GRIP2: variants seen among roughly 807,000 people sequenced by gnomAD.
GRIP2 encodes the protein glutamate receptor-interacting protein 2.
In GRIP2, 58 loss-of-function variants were observed where a neutral mutation model predicts 108.3. The observed-to-expected ratio is 0.54, with a 90% confidence interval of 0.43 to 0.67. The LOEUF is 0.67. Ranked by LOEUF, GRIP2 falls within the 30% of genes least tolerant of loss-of-function variation. The pLI is 0.00. For missense variants in GRIP2, 1,278 were observed against 1,430.6 expected (o/e 0.89, Z 1.72); for synonymous variants, 586 against 598.2 (o/e 0.98, Z 0.30).
rs1170888425 is a variant in GRIP2 at position 14,553,119 on chromosome 3, T to G, written c.55+2781A>C. Among the ~76,000 whole-genome samples the G allele has an allele frequency of 6.0e-5, 9 of 150,996 alleles. No individual in the cohort carries two copies. In the East Asian group the frequency reaches 1.7e-3, roughly 29 times the overall value. ...GCATTTTCTTTCCTTTTTTTTTTTT[T>G]TTTTCAGAGACGGAGTCTCGCTCTA... On this transcript the variant is annotated intron_variant, in intron 1 of 23. Transcript: ENST00000637182.
intron 1 of GRIP2, among the ~76,000 whole-genome samples, chr3:14,533,095 A>C (rs796839120): frequency 1.6e-4 from 25 of 152,218 alleles, no homozygotes; most frequent in African/African-American, 6.0e-4. Context: ...TCCGCCTTCC[A>C]CCTCCAGTTC....
At chr3:14,545,316 G>A (rs1262194430), upstream of GRIP2, among the ~76,000 whole-genome samples, 1 of 152,242 alleles carries the variant, frequency 6.6e-6, no homozygotes, top group African/African-American at 2.4e-5. Flanking sequence ...AGAATGTCAG[G>A]GGGAGCCAGG....
intron 1 of GRIP2, among the ~76,000 whole-genome samples, chr3:14,548,341 C>T (rs1322338241): frequency 6.6e-6 from 1 of 152,078 alleles, no homozygotes; most frequent in Non-Finnish European, 1.5e-5. Context: ...TAGGAAGGAT[C>T]AGGCTCTCCG....
In GRIP2 at chr3:14,507,636, G is replaced by A; in HGVS notation, c.2143C>T (p.Pro715Ser). The change falls in exon 18 of 24, where the codon CCG (proline) becomes TCG (serine). Residue 715 changes from proline to serine, a missense_variant. Transcript: ENST00000621039. The surrounding 1 kb of genome is among the most constrained non-coding windows in gnomAD (Gnocchi z 4.6). ...AINNVSLKGR[P>S]LSEAIHLLQV... is the part of the protein sequence containing the mutation. ...AGGAGGTGGATGGCCTCGCTCAGCG[G>A]CCGGCCCTTGAGGCTAACGTTGTTG... 6.2e-7 allele frequency: 1 copy of A among 1,614,018 alleles called. No homozygotes were observed. The highest frequency in any genetic ancestry group is 8.5e-7 in the Non-Finnish European group (1 of 1,179,876).
chr3:14,529,304 G>GAAAAAAAAAAAAAAAA (rs1694649771), intron 1 of GRIP2, among the ~76,000 whole-genome samples: 1 of 124,302 alleles, frequency 8.0e-6, no homozygotes. Flanking sequence ...AAAAAAAAAG[G>GAAAAAAAAAAAAAAAA]AAAAACACTT....
the GRIP2 span, among the ~76,000 whole-genome samples, chr3:14,599,828 A>G: frequency 6.6e-6 from 1 of 151,628 alleles, no homozygotes; most frequent in Non-Finnish European, 1.5e-5. Flanking sequence ...CAAGGTGCCC[A>G]GTGCTTGGGA....
intron 2 of GRIP2, 83 bp from the exon 3 acceptor site, chr3:14,525,655 C>A: frequency 6.5e-7 from 1 of 1,549,546 alleles, no homozygotes; most frequent in Non-Finnish European, 8.8e-7. Flanking sequence ...GAGGCGAGCA[C>A]CTGGTTGGTA....
chr3:14,535,154 C>G (rs185774857), intron 1 of GRIP2, among the ~76,000 whole-genome samples: 1 of 152,132 alleles, frequency 6.6e-6, no homozygotes, highest in African/African-American at 2.4e-5. Flanking sequence ...AGGACATGGG[C>G]GCTAAGTACT....
intron 23 of GRIP2, 55 bp downstream of exon 23, chr3:14,494,788 C>T (rs1693534744): frequency 1.9e-6 from 3 of 1,561,690 alleles, no homozygotes; most frequent in Middle Eastern, 1.8e-4. Flanking sequence ...CTTTCCCCAC[C>T]CTCAGGCTAG....
chr3:14,493,722 C>G lies in GRIP2; in HGVS notation c.3075G>C (p.Thr1025=), dbSNP rs565606434. The change falls in exon 24 of 24, where the codon ACG becomes ACC. Residue 1025 remains threonine, a synonymous_variant. Coordinates refer to ENST00000621039, the MANE Select transcript of GRIP2 (RefSeq NM_001080423.4). ...ATCGGGGGGCCCGGCTGCTGTGTGCCGTGTGCGGCTTGCGGCTGATGATCA... is the reference window on the plus strand; with the variant it reads ...ATCGGGGGGCCCGGCTGCTGTGTGCGGTGTGCGGCTTGCGGCTGATGATCA... ...LELIISRKPH[T]AHSSRAPRSP... 4.7e-5 allele frequency: 75 copies of G among 1,610,824 alleles called. No individual in the cohort carries two copies. In the South Asian group the frequency reaches 5.0e-4, roughly 11 times the overall value.
Position 14,510,016 on chromosome 3 carries a change from T to C in GRIP2, c.1934-52A>G, listed in dbSNP as rs75127285. On this transcript the variant is annotated intron_variant, in intron 16 of 23. Coordinates refer to ENST00000621039, the MANE Select transcript of GRIP2 (RefSeq NM_001080423.4). ...GAGGCCCCCGAGGGGGTACCCAGCT[T>C]CCTAAAGCCTTGGCCTCACTCACTC... The C allele has an allele frequency of 0.014, 18,935 of 1,361,756 alleles. 1,769 individuals are homozygous for C. In the African/African-American group the frequency reaches 0.22, roughly 16 times the overall value. The allele number at this position is 1,361,756 out of a possible 1,614,324, so 84.4% of individuals were successfully genotyped here. A position where few individuals can be genotyped will look rare whatever the true frequency, so the allele number is the denominator to read the frequency against.
the GRIP2 span, among the ~76,000 whole-genome samples, chr3:14,598,199 C>T: frequency 6.6e-6 from 1 of 151,842 alleles, no homozygotes; most frequent in African/African-American, 2.4e-5. Context: ...GGCATGACCT[C>T]GTGGACCATT....
At chr3:14,525,359 TAC>T in intron 3 of GRIP2, 76 bp downstream of exon 3, 1 of 1,544,438 alleles carries the variant, frequency 6.5e-7, no homozygotes, top group South Asian at 1.2e-5. Context: ...AGACCTTCAG[TAC>T]ATTTTCCACT....
chr3:14,497,844 A>G (rs1693656097), intron 21 of GRIP2, among the ~76,000 whole-genome samples: 1 of 152,156 alleles, frequency 6.6e-6, no homozygotes, highest in Non-Finnish European at 1.5e-5. Flanking sequence ...GGGCTCAGGA[A>G]GTGAGGGCTG....
chr3:14,580,984 G>A, the GRIP2 span, among the ~76,000 whole-genome samples: 2 of 145,654 alleles, frequency 1.4e-5, no homozygotes, highest in Non-Finnish European at 3.1e-5. Context: ...TGCCTGGGCT[G>A]CCCTGCAGAT....
Position 14,493,814 on chromosome 3 carries a change from G to A in GRIP2, c.2983C>T (p.Arg995Cys), listed in dbSNP as rs759209816. ...FDRVLQVNHV[R>C]TRDFDCCLAV... ...AGGCAGCAGTCGAAGTCCCGTGTAC[G>A]GACGTGGTTGACCTGCATGGGGCAC... The change falls in exon 24 of 24, where the codon CGT becomes TGT. Residue 995 changes from arginine to cysteine, a missense_variant. By Grantham distance (180) the Arg-to-Cys change is radical. Transcript: ENST00000621039. The A allele has an allele frequency of 1.4e-5, 23 of 1,611,960 alleles. No homozygotes were observed. The highest frequency in any genetic ancestry group is 5.0e-5 in the Admixed American group (3 of 59,910).
chr3:14,579,257 T>C, the GRIP2 span, among the ~76,000 whole-genome samples: 11,931 of 152,144 alleles, frequency 0.078, 1,541 homozygotes, highest in African/African-American at 0.27. Context: ...TACATACCAA[T>C]AGGAAGATCA....
chr3:14,544,600 G>A (rs569446565), upstream of GRIP2, among the ~76,000 whole-genome samples: 2 of 152,272 alleles, frequency 1.3e-5, no homozygotes, highest in South Asian at 4.1e-4. Context: ...CTGGGTGAGA[G>A]GGAGGCAGCA....
Position 14,525,899 on chromosome 3 carries a change from C to G in GRIP2, c.73G>C (p.Ala25Pro). The change falls in exon 2 of 24, where the codon GCA (alanine) becomes CCA (proline). Residue 25 changes from alanine (A) to proline (P), a missense_variant. Transcript: ENST00000621039. ...DGPYSKGGKD[A>P]GGADVSLACR... ...GCCAGGGAAACGTCGGCCCCTCCTG[C>G]GTCCTTGCCTCCTTTGGAGTAGGGC... 6.4e-7 allele frequency: 1 copy of G among 1,561,444 alleles called. No individual in the cohort carries two copies. The highest frequency in any genetic ancestry group is 8.7e-7 in the Non-Finnish European group (1 of 1,152,408).
Sources: allele counts gnomAD v4.1 joint callset (sites outside exome capture counted in the v4.1 genomes callset), GRCh38; gene constraint gnomAD v4.1.1; non-coding constraint Gnocchi (gnomAD v3.1); transcripts MANE v1.5; gene names NCBI Gene and HGNC (gene_info 2026-07-23, HGNC 2026-07-21).